CELF2: variants seen among roughly 807,000 people sequenced by gnomAD.
CELF2 encodes CUG triplet repeat RNA-binding protein 2.
CELF2 carries 8 observed loss-of-function variants against 62.6 expected under a neutral mutation model. The observed-to-expected ratio is 0.13, with a 90% CI of 0.07 to 0.23. The LOEUF (loss-of-function observed/expected upper bound fraction) is 0.23. CELF2 is among the 10% of genes least tolerant of loss of function. CELF2 has a pLI of 1.00. For synonymous variants in CELF2, 258 were observed against 250.0 expected (o/e 1.03, Z -0.30); for missense variants, 333 against 671.0 (o/e 0.50, Z 5.56).
intron 1 of CELF2, among the ~76,000 whole-genome samples, chr10:11,041,506 T>G (rs2139504675): frequency 6.6e-6 from 1 of 152,324 alleles, no homozygotes; most frequent in East Asian, 1.9e-4. Context: ...CCAGGGAAAG[T>G]TCTCACGCCA....
At position 11,305,915 on chromosome 10, in the gene CELF2, A is replaced by C. The variant is rs879507521; in HGVS notation, c.977-8224A>C. 6.6e-5 allele frequency among the ~76,000 whole-genome samples: 10 copies of C among 152,044 alleles called. No homozygotes were observed. The highest frequency in any genetic ancestry group is 1.2e-4 in the Non-Finnish European group (8 of 68,012). ...CCACCTCGCTTTTCCTGTTCTCCACACCCCACCCTGCCCCACAAACAGTTT... is the reference window on the plus strand; with the variant it reads ...CCACCTCGCTTTTCCTGTTCTCCACCCCCCACCCTGCCCCACAAACAGTTT... On this transcript the variant is annotated intron_variant, in intron 9 of 12. Coordinates refer to ENST00000633077, the MANE Select transcript of CELF2 (RefSeq NM_001326342.2). The surrounding 1 kb of genome is among the most constrained non-coding windows in gnomAD (Gnocchi z 4.8).
In CELF2 at chr10:11,235,249, T is replaced by G. The variant is rs554350613; in HGVS notation, c.355-13904T>G. Among the ~76,000 whole-genome samples the G allele has an allele frequency of 2.6e-5, 4 of 152,348 alleles. No individual in the cohort carries two copies. In the South Asian group the frequency reaches 8.3e-4, roughly 32 times the overall value. ...CCACAGTTGTTAGAAATTATGAAAG[T>G]AGAAGCTATGTCACCACAGGTCAAG... is the stretch of plus-strand genomic sequence containing the variant. On this transcript the variant is annotated intron_variant, in intron 3 of 12. Coordinates refer to ENST00000633077, the MANE Select transcript of CELF2 (RefSeq NM_001326342.2).
rs1376474482 is a variant in CELF2, at chr10:10,990,554, A to G, written c.89+70555A>G. On this transcript the variant is annotated intron_variant, in intron 2 of 13. Coordinates refer to the CELF2 transcript ENST00000636488. The surrounding 1 kb of genome is among the most constrained non-coding windows in gnomAD (Gnocchi z 4.6). ...TTATCACTAAATCTGAGTTAATGGCATCTAAATTAAGAGTCTTTCAATGGT... is the reference window on the plus strand; with the variant it reads ...TTATCACTAAATCTGAGTTAATGGCGTCTAAATTAAGAGTCTTTCAATGGT... Among the ~76,000 whole-genome samples the G allele has an allele frequency of 6.6e-6, 1 of 152,206 alleles. No homozygotes were observed. The highest frequency in any genetic ancestry group is 1.5e-5 in the Non-Finnish European group (1 of 68,028).
In CELF2 at chr10:11,318,760, A is replaced by G. The variant is rs201684012; in HGVS notation, c.1097-2429A>G. On this transcript the variant is annotated intron_variant, in intron 10 of 12. Coordinates refer to ENST00000633077, the MANE Select transcript of CELF2 (RefSeq NM_001326342.2). The surrounding 1 kb of genome is among the most constrained non-coding windows in gnomAD (Gnocchi z 5.4). ...ATAATTTTTCTGACCTGGAAATTAA[A>G]AAAACAGCTGTGTACAGAGAAGGGA... The G allele has an allele frequency of 2.1e-4, 97 of 468,046 alleles. No individual in the cohort carries two copies. Among genetic ancestry groups the G allele is most frequent in the Admixed American group, 2.2e-4 (9 of 41,826 alleles). The allele number at this position is 468,046 out of a possible 1,614,324, so 29.0% of individuals were successfully genotyped here.
intron 1 of CELF2, among the ~76,000 whole-genome samples, chr10:10,810,238 C>T (rs377395916): frequency 3.4e-4 from 52 of 152,236 alleles, no homozygotes; most frequent in East Asian, 1.5e-3. Context: ...CAATCGTGTA[C>T]GGAAGAGTTA....
At chr10:11,036,053 C>G (rs149295063) in intron 1 of CELF2, among the ~76,000 whole-genome samples, 1 of 152,304 alleles carries the variant, frequency 6.6e-6, no homozygotes, top group East Asian at 1.9e-4. Context: ...CTAATTCAAA[C>G]TGCAGGAAGC....
the CELF2 span, among the ~76,000 whole-genome samples, chr10:10,642,893 C>A: frequency 6.6e-6 from 1 of 152,204 alleles, no homozygotes; most frequent in Non-Finnish European, 1.5e-5. Context: ...GGCCTGCCAT[C>A]TGACCCCGGT....
chr10:10,996,960 G>T (rs2054018266), intron 2 of CELF2, among the ~76,000 whole-genome samples: 1 of 152,102 alleles, frequency 6.6e-6, no homozygotes, highest in African/African-American at 2.4e-5. Flanking sequence ...ATCATCATTT[G>T]CCAAATTGTC....
chr10:11,112,339 A>G (rs2143024485), intron 1 of CELF2, among the ~76,000 whole-genome samples: 1 of 152,350 alleles, frequency 6.6e-6, no homozygotes, highest in East Asian at 1.9e-4. Context: ...ACACATGAAG[A>G]ATTTGAGATG....
chr10:10,804,419 A>G (rs2054992507), intron 1 of CELF2, among the ~76,000 whole-genome samples: 1 of 152,256 alleles, frequency 6.6e-6, no homozygotes, highest in South Asian at 2.1e-4. Flanking sequence ...GCAGGAAAAT[A>G]GAAGTGGCTT....
chr10:10,711,958 A>G, the CELF2 span, among the ~76,000 whole-genome samples: 1 of 152,070 alleles, frequency 6.6e-6, no homozygotes, highest in South Asian at 2.1e-4. Flanking sequence ...TATTGGGAGG[A>G]TGGCTAAATG....
chr10:10,994,764 T>C (rs1009323897), intron 2 of CELF2, among the ~76,000 whole-genome samples: 1 of 89,808 alleles, frequency 1.1e-5, no homozygotes, highest in Non-Finnish European at 2.1e-5. Flanking sequence ...GCCAAAAAGG[T>C]TGGGGACTGC....
At chr10:10,977,638 A>G (rs1327420577) in intron 2 of CELF2, among the ~76,000 whole-genome samples, 1 of 152,190 alleles carries the variant, frequency 6.6e-6, no homozygotes, top group Non-Finnish European at 1.5e-5. Context: ...CCCTTCTAAA[A>G]TTATGGGGAA....
intron 1 of CELF2, among the ~76,000 whole-genome samples, chr10:11,038,138 C>T (rs1265245425): frequency 6.6e-6 from 1 of 152,192 alleles, no homozygotes; most frequent in Non-Finnish European, 1.5e-5. Context: ...TGCTTTGTGT[C>T]CCACTGTTCC....
chr10:11,314,657 T>A lies in CELF2; in HGVS notation c.1096+399T>A. On this transcript the variant is annotated intron_variant, in intron 10 of 12. Coordinates refer to ENST00000633077, the MANE Select transcript of CELF2 (RefSeq NM_001326342.2). The surrounding 1 kb of genome is among the most constrained non-coding windows in gnomAD (Gnocchi z 5.3). ...GAACCCAGCTCTGCTGCCAGGCAGC[T>A]GTGGGAAGTCAGGCAGATGCTGCTC... 3.1e-6 allele frequency: 1 copy of A among 322,910 alleles called. No homozygotes were observed. Among genetic ancestry groups the A allele is most frequent in the Non-Finnish European group, 6.1e-6 (1 of 165,186 alleles). 20.0% of individuals were successfully genotyped at this position (322,910 alleles called of 1,614,324 possible).
At chr10:10,976,457 T>G (rs574872290) in intron 2 of CELF2, among the ~76,000 whole-genome samples, 1 of 152,304 alleles carries the variant, frequency 6.6e-6, no homozygotes, top group East Asian at 1.9e-4. Context: ...ATGTCTCATT[T>G]CACGTCAGGC....
At chr10:10,851,323 C>A (rs750946473) in intron 1 of CELF2, among the ~76,000 whole-genome samples, 1 of 152,268 alleles carries the variant, frequency 6.6e-6, no homozygotes, top group African/African-American at 2.4e-5. Context: ...ATGTTCAGAG[C>A]AGCTTTTTGG....
intron 1 of CELF2, among the ~76,000 whole-genome samples, chr10:10,820,278 T>C: frequency 6.6e-6 from 1 of 152,182 alleles, no homozygotes; most frequent in African/African-American, 2.4e-5. Context: ...AGTACTCTTT[T>C]CTGTGGGTAT....
chr10:11,095,892 T>G (rs1162596079), intron 1 of CELF2, among the ~76,000 whole-genome samples: 1 of 152,078 alleles, frequency 6.6e-6, no homozygotes, highest in Admixed American at 6.5e-5. Context: ...TTTTAGCTGA[T>G]TTTTTAAGGA....
Sources: gnomAD v4.1 joint callset for allele counts (sites outside exome capture counted in the v4.1 genomes callset) on GRCh38, gnomAD v4.1.1 for gene constraint, Gnocchi (gnomAD v3.1) non-coding constraint, MANE v1.5 for transcripts, NCBI Gene and HGNC (gene_info 2026-07-23, HGNC 2026-07-21) for gene names.